Variants in DCAF5 observed in about 807,000 individuals in gnomAD.
DCAF5 encodes the protein DDB1- and CUL4-associated factor 5.
A neutral mutation model predicts 80.7 loss-of-function variants in DCAF5; 9 were observed. The observed-to-expected ratio is 0.11, with a 90% CI of 0.07 to 0.19. DCAF5 has a LOEUF of 0.19. Ranked by LOEUF, DCAF5 falls within the 10% of genes least tolerant of loss-of-function variation. The pLI is 1.00. For synonymous variants in DCAF5, 433 were observed against 461.9 expected (o/e 0.94, Z 0.80); for missense variants, 842 against 1,205.7 (o/e 0.70, Z 4.47).
At chr14:69,077,200 T>C (rs2038932415) in intron 6 of DCAF5, among the ~76,000 whole-genome samples, 1 of 152,166 alleles carries the variant, frequency 6.6e-6, no homozygotes. Context: ...GGCCTACTGT[T>C]TTCCTTTTGT....
chr14:69,119,026 C>A, intron 3 of DCAF5, 168 bp downstream of exon 3: 1 of 630,812 alleles, frequency 1.6e-6, no homozygotes, highest in Non-Finnish European at 2.5e-6. Context: ...CTTTTTAAAT[C>A]AAAACTTTAT....
At chr14:69,112,756 G>C (rs75473945) in intron 5 of DCAF5, among the ~76,000 whole-genome samples, 2 of 152,040 alleles carry the variant, frequency 1.3e-5, no homozygotes, top group Non-Finnish European at 2.9e-5. Context: ...TCAATACTCC[G>C]ATGGCACGTA....
intron 6 of DCAF5, among the ~76,000 whole-genome samples, chr14:69,079,172 G>A (rs1362994853): frequency 6.6e-6 from 1 of 152,294 alleles, no homozygotes; most frequent in East Asian, 1.9e-4. Flanking sequence ...CTATTTCATC[G>A]TGAAGCATCA....
intron 5 of DCAF5, among the ~76,000 whole-genome samples, chr14:69,097,069 TATTAG>T (rs2039746567): frequency 6.6e-6 from 1 of 151,938 alleles, no homozygotes; most frequent in Admixed American, 6.6e-5. Context: ...ATGCACTGAG[TATTAG>T]GTGACAAGGC....
At chr14:69,105,274 G>A (rs911414312) in intron 5 of DCAF5, among the ~76,000 whole-genome samples, 17 of 152,112 alleles carry the variant, frequency 1.1e-4, no homozygotes, top group Admixed American at 3.9e-4. Context: ...AACAAAATGT[G>A]TATATCCATA....
At chr14:69,138,130 A>T (rs1004508421) in intron 1 of DCAF5, among the ~76,000 whole-genome samples, 11 of 141,808 alleles carry the variant, frequency 7.8e-5, no homozygotes, top group African/African-American at 1.9e-4. Context: ...ACACCTATTT[A>T]AAAAAAAAAA....
At chr14:69,064,750 C>A (rs994666712) in intron 7 of DCAF5, among the ~76,000 whole-genome samples, 1 of 152,226 alleles carries the variant, frequency 6.6e-6, no homozygotes, top group African/African-American at 2.4e-5. Flanking sequence ...ACCACTGACA[C>A]TGAGTACATG....
chr14:69,119,970 A>G (rs1201830209), intron 2 of DCAF5, among the ~76,000 whole-genome samples: 1 of 152,222 alleles, frequency 6.6e-6, no homozygotes, highest in Non-Finnish European at 1.5e-5. Flanking sequence ...AGGGCTGATC[A>G]CTTAATAAGC....
Position 69,118,420 on chromosome 14 carries a change from C to A in DCAF5, c.396-142G>T. The A allele has an allele frequency of 1.3e-6, 1 of 773,812 alleles. No individual in the cohort carries two copies. The highest frequency in any genetic ancestry group is 1.9e-6 in the Non-Finnish European group (1 of 526,988). 47.9% of individuals were successfully genotyped at this position (773,812 alleles called of 1,614,324 possible). ...GCTAAACCCAAAAAATATTATATTT[C>A]CTGAAAGGTAGGTAGTCAACTTTCA... On this transcript the variant is annotated intron_variant, in intron 3 of 8. Transcript: ENST00000341516. The surrounding 1 kb of genome is among the most constrained non-coding windows in gnomAD (Gnocchi z 4.0).
intron 1 of DCAF5, among the ~76,000 whole-genome samples, chr14:69,137,796 T>G (rs982936345): frequency 3.9e-5 from 6 of 152,216 alleles, no homozygotes; most frequent in Admixed American, 2.0e-4. Context: ...CAAGATATTT[T>G]GAGAGACAGA....
chr14:69,073,521 C>T (rs2038781536), intron 7 of DCAF5, among the ~76,000 whole-genome samples: 2 of 151,622 alleles, frequency 1.3e-5, no homozygotes, highest in Non-Finnish European at 2.9e-5. Context: ...GGCACAGTGG[C>T]TCATGCCTAT....
intron 1 of DCAF5, among the ~76,000 whole-genome samples, chr14:69,139,386 G>C (rs1345435903): frequency 6.6e-6 from 1 of 152,070 alleles, no homozygotes. Context: ...ATGTGTCCTA[G>C]CTACTTGGGA....
In DCAF5 at chr14:69,055,317, T is replaced by G; in HGVS notation, c.1369A>C (p.Thr457Pro). ...AATGAGGCCGAAGACTCTGAGTCAG[T>G]GTAGCCTGAGCGCTCGCTGACCCCA... Reference protein sequence around the residue: ...HAGVSERSGYTDSESSASLPR... With the variant: ...HAGVSERSGYPDSESSASLPR... The change falls in exon 9 of 9, where the codon ACT becomes CCT. Residue 457 changes from threonine (T) to proline (P), a missense_variant. Coordinates refer to ENST00000341516, the MANE Select transcript of DCAF5 (RefSeq NM_003861.3). This position sits in a 1 kb window ranked among gnomAD's most constrained non-coding sequence, Gnocchi z 5.6. 2 of 1,614,178 alleles carry G rather than the reference T, an allele frequency of 1.2e-6. No homozygotes were observed. The highest frequency in any genetic ancestry group is 8.5e-7 in the Non-Finnish European group (1 of 1,180,016).
At chr14:69,063,182 T>C (rs989929159) in intron 7 of DCAF5, among the ~76,000 whole-genome samples, 1 of 152,176 alleles carries the variant, frequency 6.6e-6, no homozygotes, top group African/African-American at 2.4e-5. Flanking sequence ...ATACCATGTA[T>C]AGATTAAAGT....
In DCAF5 at chr14:69,055,541, C is replaced by T. The variant is rs1220779737; in HGVS notation, c.1145G>A (p.Cys382Tyr). Reference sequence around the variant, plus strand: ...GATGTACTCTTCATGGGTATAGAGGCAGCGGGAATCGTCCTCAATCCGACC... The same window carrying T: ...GATGTACTCTTCATGGGTATAGAGGTAGCGGGAATCGTCCTCAATCCGACC... ...LDGRIEDDSR[C>Y]LYTHEEYISL... is the part of the protein sequence containing the mutation. The change falls in exon 9 of 9, where the codon TGC becomes TAC. Residue 382 changes from cysteine (C) to tyrosine (Y), a missense_variant. Transcript: ENST00000341516. The surrounding 1 kb of genome is among the most constrained non-coding windows in gnomAD (Gnocchi z 5.6). 1 of 1,613,604 alleles carries T rather than the reference C, an allele frequency of 6.2e-7. No homozygotes were observed. The highest frequency in any genetic ancestry group is 1.1e-5 in the South Asian group (1 of 91,082).
At position 69,052,879 on chromosome 14, in the gene DCAF5, C is replaced by T. The variant is rs2037807655; in HGVS notation, c.*978G>A. On this transcript the variant is annotated 3_prime_UTR_variant, in exon 9 of 9. Transcript: ENST00000341516. Reference sequence around the variant, plus strand: ...TAAATGAATATAGTACCACATTCTGCTCCTCACTAAGCTTCTTCGTTAACA... The same window carrying T: ...TAAATGAATATAGTACCACATTCTGTTCCTCACTAAGCTTCTTCGTTAACA... The T allele has an allele frequency of 6.6e-6, 1 of 152,246 alleles. No individual in the cohort carries two copies. Among genetic ancestry groups the T allele is most frequent in the African/African-American group, 2.4e-5 (1 of 41,462 alleles). The allele number at this position is 152,246 out of a possible 1,614,324, so 9.4% of individuals were successfully genotyped here.
At chr14:69,129,150 G>A (rs571269355) in intron 1 of DCAF5, among the ~76,000 whole-genome samples, 2 of 152,232 alleles carry the variant, frequency 1.3e-5, no homozygotes, top group East Asian at 1.9e-4. Context: ...CCTTGGGATC[G>A]TTTTAAATGA....
chr14:69,138,975 G>A (rs1434738477), intron 1 of DCAF5, among the ~76,000 whole-genome samples: 2 of 151,250 alleles, frequency 1.3e-5, no homozygotes, highest in South Asian at 2.1e-4. Context: ...GTAAGACCCC[G>A]TCTTTAGAAA....
intron 5 of DCAF5, among the ~76,000 whole-genome samples, chr14:69,111,487 C>T (rs1032216368): frequency 5.9e-5 from 9 of 152,134 alleles, no homozygotes; most frequent in Non-Finnish European, 1.3e-4. Context: ...AAGCAAGACA[C>T]TGTTATCTGT....
Sources: allele counts gnomAD v4.1 joint callset (sites outside exome capture counted in the v4.1 genomes callset), GRCh38; gene constraint gnomAD v4.1.1; non-coding constraint Gnocchi (gnomAD v3.1); transcripts MANE v1.5; gene names NCBI Gene and HGNC (gene_info 2026-07-23, HGNC 2026-07-21).